The following MYO1D variants were observed in gnomAD, a reference collection of about 807,000 sequenced individuals.
The protein encoded by MYO1D is unconventional myosin-Id.
A neutral mutation model predicts 122.0 loss-of-function variants in MYO1D; 83 were observed. The ratio of observed to expected loss-of-function variants is 0.68; its 90% CI spans 0.57 to 0.82. The LOEUF (loss-of-function observed/expected upper bound fraction) is 0.82, where lower values mean the gene tolerates loss of function less well. MYO1D is among the 40% of genes least tolerant of loss of function. The pLI, the probability that MYO1D is intolerant of heterozygous loss-of-function variation, is 0.00. For synonymous variants in MYO1D, 464 were observed against 446.9 expected (o/e 1.04, Z -0.48); for missense variants, 1,157 against 1,269.5 (o/e 0.91, Z 1.35).
rs536715098 is a variant in MYO1D at position 32,762,316 on chromosome 17, G to A, written c.1036-1689C>T. 5.9e-5 allele frequency among the ~76,000 whole-genome samples: 9 copies of A among 152,276 alleles called. No individual in the cohort carries two copies. The South Asian group carries it at 1.5e-3, about 25-fold the overall frequency. On this transcript the variant is annotated intron_variant, in intron 8 of 21. Coordinates refer to ENST00000318217, the MANE Select transcript of MYO1D (RefSeq NM_015194.3). Reference sequence around the variant, plus strand: ...GGGTATAGTATAAAATGAGGTGGGAGAGGTGGGCTGGAGCCAGACCATGTT... The same window carrying A: ...GGGTATAGTATAAAATGAGGTGGGAAAGGTGGGCTGGAGCCAGACCATGTT...
At chr17:32,789,342 T>A (rs887399973) in intron 1 of MYO1D, among the ~76,000 whole-genome samples, 1 of 152,212 alleles carries the variant, frequency 6.6e-6, no homozygotes, top group Non-Finnish European at 1.5e-5. Flanking sequence ...CTTGTTTTGT[T>A]CTAGTTCTCA....
At chr17:32,642,005 C>T (rs145335590) in intron 19 of MYO1D, among the ~76,000 whole-genome samples, 2,368 of 152,196 alleles carry the variant, frequency 0.016, 57 homozygotes, top group African/African-American at 0.047. Flanking sequence ...AAGTTCTTGC[C>T]CATGCCTATG....
intron 16 of MYO1D, among the ~76,000 whole-genome samples, chr17:32,689,182 C>T (rs980206409): frequency 6.6e-6 from 1 of 151,936 alleles, no homozygotes; most frequent in Non-Finnish European, 1.5e-5. Context: ...TGTTTATAAT[C>T]GATTTAAAGT....
intron 20 of MYO1D, among the ~76,000 whole-genome samples, chr17:32,638,344 C>T (rs2088135915): frequency 6.6e-6 from 1 of 152,080 alleles, no homozygotes; most frequent in South Asian, 2.1e-4. Context: ...ATAAATTTTA[C>T]ATTTAAAAGA....
At chr17:32,625,218 A>C (rs1353857441) in intron 20 of MYO1D, among the ~76,000 whole-genome samples, 1 of 152,248 alleles carries the variant, frequency 6.6e-6, no homozygotes, top group Non-Finnish European at 1.5e-5. Context: ...CAAAAGGTTA[A>C]GACAAACTAT....
intron 21 of MYO1D, among the ~76,000 whole-genome samples, chr17:32,543,177 G>A (rs1211428908): frequency 6.6e-6 from 1 of 151,354 alleles, no homozygotes; most frequent in African/African-American, 2.4e-5. Flanking sequence ...AGTGAGCCAA[G>A]ATCATGCCAC....
At chr17:32,742,978 A>G (rs1739840510) in intron 13 of MYO1D, among the ~76,000 whole-genome samples, 1 of 152,238 alleles carries the variant, frequency 6.6e-6, no homozygotes, top group African/African-American at 2.4e-5. Context: ...CCAATGGTCA[A>G]TCTTGGTCCT....
At chr17:32,500,744 C>T (rs893807022) in intron 21 of MYO1D, among the ~76,000 whole-genome samples, 9 of 152,128 alleles carry the variant, frequency 5.9e-5, no homozygotes, top group South Asian at 4.1e-4. Context: ...CAGTGGCTCA[C>T]GCCGGTAATC....
intron 1 of MYO1D, among the ~76,000 whole-genome samples, chr17:32,793,933 C>T (rs569867584): frequency 6.6e-6 from 1 of 152,302 alleles, no homozygotes; most frequent in South Asian, 2.1e-4. Flanking sequence ...GGTAACAGCA[C>T]AATAATACCA....
At chr17:32,749,081 G>T in intron 11 of MYO1D, 75 bp from the exon 12 acceptor site, 2 of 1,284,618 alleles carry the variant, frequency 1.6e-6, no homozygotes, top group Non-Finnish European at 2.3e-6. Context: ...AGCTTAATAT[G>T]AAATGATGAT....
At chr17:32,795,537 G>A (rs2090406266) in intron 1 of MYO1D, among the ~76,000 whole-genome samples, 1 of 151,904 alleles carries the variant, frequency 6.6e-6, no homozygotes, top group Admixed American at 6.6e-5. Context: ...AAGGTCTCAT[G>A]CAATTCAGTT....
chr17:32,818,420 G>C lies in MYO1D; in HGVS notation c.96-37636C>G, dbSNP rs1028100144. Among the ~76,000 whole-genome samples the C allele has an allele frequency of 2.6e-5, 4 of 152,188 alleles. No homozygotes were observed. The South Asian group carries it at 8.3e-4, about 31-fold the overall frequency. ...AATAGTAGCTCCAGCCCAGTGGGAA[G>C]GTACCACCACTTGAGATGACACTGC... On this transcript the variant is annotated intron_variant, in intron 1 of 21. Coordinates refer to ENST00000318217, the MANE Select transcript of MYO1D (RefSeq NM_015194.3).
At chr17:32,797,456 T>A (rs114688884) in intron 1 of MYO1D, among the ~76,000 whole-genome samples, 362 of 152,326 alleles carry the variant, frequency 2.4e-3, no homozygotes, top group African/African-American at 7.7e-3. Flanking sequence ...CTTTTCGTGG[T>A]TTCAGTTATC....
At chr17:32,527,979 C>T (rs939685586) in intron 21 of MYO1D, among the ~76,000 whole-genome samples, 6 of 152,122 alleles carry the variant, frequency 3.9e-5, no homozygotes, top group African/African-American at 1.4e-4. Context: ...GCTGGAATTA[C>T]AGGCGCCCGC....
intron 20 of MYO1D, among the ~76,000 whole-genome samples, chr17:32,612,776 AT>A (rs924587440): frequency 4.0e-5 from 6 of 149,572 alleles, no homozygotes; most frequent in African/African-American, 9.8e-5. Context: ...TGAAATGCAT[AT>A]TTTTTTTTAA....
At chr17:32,614,472 A>T (rs1342267493) in intron 20 of MYO1D, among the ~76,000 whole-genome samples, 1 of 152,136 alleles carries the variant, frequency 6.6e-6, no homozygotes, top group Non-Finnish European at 1.5e-5. Context: ...CTGCTCTTTG[A>T]TGGAGAACAT....
intron 12 of MYO1D, among the ~76,000 whole-genome samples, chr17:32,748,148 T>C (rs2089857626): frequency 6.6e-6 from 1 of 152,220 alleles, no homozygotes; most frequent in Non-Finnish European, 1.5e-5. Context: ...TTATAATTTT[T>C]AGTTATACTT....
chr17:32,801,468 AG>A (rs2090460396), intron 1 of MYO1D, among the ~76,000 whole-genome samples: 1 of 152,212 alleles, frequency 6.6e-6, no homozygotes, highest in South Asian at 2.1e-4. Context: ...GGAGGGGTCT[AG>A]GAAGTGGCCT....
chr17:32,585,589 G>C (rs949585676), intron 21 of MYO1D, among the ~76,000 whole-genome samples: 3 of 152,050 alleles, frequency 2.0e-5, no homozygotes, highest in Admixed American at 6.6e-5. Context: ...AATTAGCCAG[G>C]TGTGGTAGCG....
Sources: allele counts gnomAD v4.1 joint callset (sites outside exome capture counted in the v4.1 genomes callset), GRCh38; gene constraint gnomAD v4.1.1; transcripts MANE v1.5; gene names NCBI Gene and HGNC (gene_info 2026-07-23, HGNC 2026-07-21).